DNAJC17: variants seen among roughly 807,000 people sequenced by gnomAD.
DNAJC17 encodes the protein DnaJ heat shock protein family (Hsp40) member C17, also known as dnaJ homolog subfamily C member 17.
A neutral mutation model predicts 48.1 loss-of-function variants in DNAJC17; 35 were observed. The observed-to-expected ratio is 0.73, with a 90% CI of 0.56 to 0.96. The LOEUF (loss-of-function observed/expected upper bound fraction) is 0.96. Ranked by LOEUF, DNAJC17 falls within the 50% of genes least tolerant of loss-of-function variation. DNAJC17 has a pLI of 0.00. For missense variants in DNAJC17, 355 were observed against 377.1 expected (o/e 0.94, Z 0.48); for synonymous variants, 117 against 142.7 (o/e 0.82, Z 1.28).
intron 4 of DNAJC17, among the ~76,000 whole-genome samples, chr15:40,777,933 C>A (rs1385329766): frequency 6.6e-6 from 1 of 152,100 alleles, no homozygotes; most frequent in Non-Finnish European, 1.5e-5. Context: ...AAGAATACCT[C>A]AATAAAGCTA....
Position 40,766,133 on chromosome 15 carries a change from C to T in DNAJC17, c.*1807G>A, listed in dbSNP as rs996101866. 2.0e-5 allele frequency: 8 copies of T among 404,922 alleles called. No homozygotes were observed. Among genetic ancestry groups the T allele is most frequent in the African/African-American group, 1.6e-4 (8 of 48,808 alleles). 25.1% of individuals were successfully genotyped at this position (404,922 alleles called of 1,614,324 possible). ...CGAGGCTTGCTCTGAAAGCTTTCCACATCCTTACTGGAACCGCAGAAACAG... is the reference window on the plus strand; with the variant it reads ...CGAGGCTTGCTCTGAAAGCTTTCCATATCCTTACTGGAACCGCAGAAACAG... On this transcript the variant is annotated 3_prime_UTR_variant, in exon 11 of 11. Transcript: ENST00000220496.
Position 40,767,947 on chromosome 15 carries a change from G to A in DNAJC17, c.908C>T (p.Pro303Leu). The A allele has an allele frequency of 6.2e-7, 1 of 1,612,938 alleles. No individual in the cohort carries two copies. The highest frequency in any genetic ancestry group is 8.5e-7 in the Non-Finnish European group (1 of 1,179,702). The change falls in exon 11 of 11, where the codon CCT (proline) becomes CTT (leucine). Residue 303 changes from proline (P) to leucine (L), a missense_variant. Pro to Leu is a moderately conservative substitution (Grantham distance 98). Transcript: ENST00000220496. ...GGATGGCTGGAGCTGGGGCTACGTA[G>A]GCGGCCCCTCCTGGTCTTCCTGCTG... The part of the protein sequence containing the change: ...RMQQEDQEGP[P>L]T
chr15:40,800,843 C>T lies in DNAJC17; in HGVS notation c.78+6526G>A, dbSNP rs190484317. Among the ~76,000 whole-genome samples the T allele has an allele frequency of 4.9e-3, 741 of 151,938 alleles. 8 individuals carry two copies. Among genetic ancestry groups the T allele is most frequent in the African/African-American group, 0.017 (705 of 41,440 alleles). The stretch of plus-strand genomic sequence containing the variant: ...GCGTGGTGGCAGGAGCCTGTAATCT[C>T]GGCTACTCCGGAGACTGAAGCAGAG... On this transcript the variant is annotated intron_variant, in intron 1 of 10. Coordinates refer to ENST00000220496, the MANE Select transcript of DNAJC17 (RefSeq NM_018163.3).
At chr15:40,803,077 G>T (rs1273309724) in intron 1 of DNAJC17, among the ~76,000 whole-genome samples, 1 of 150,804 alleles carries the variant, frequency 6.6e-6, no homozygotes, top group Admixed American at 6.6e-5. Context: ...ACTCCAGCGT[G>T]GGTAACACAG....
At chr15:40,775,001 T>C (rs1889278594) in intron 8 of DNAJC17, 30 bp downstream of exon 8, 6 of 1,612,296 alleles carry the variant, frequency 3.7e-6, no homozygotes, top group South Asian at 1.1e-5. Context: ...ACTGAGATGA[T>C]AGGAAAGAGT....
chr15:40,774,324 C>T lies in DNAJC17; in HGVS notation c.681+32G>A, dbSNP rs751628805. The T allele has an allele frequency of 6.8e-6, 11 of 1,612,530 alleles. No homozygotes were observed. In the East Asian group the frequency reaches 8.9e-5, roughly 13 times the overall value. ...TCCCTGCCCTAGAATGACAGGGCCA[C>T]GAGGGGCCCCCAAGCCTCATGCAGC... is the stretch of plus-strand genomic sequence containing the variant. On this transcript the variant is annotated intron_variant, in intron 9 of 10. Coordinates refer to ENST00000220496, the MANE Select transcript of DNAJC17 (RefSeq NM_018163.3).
chr15:40,775,392 G>A, intron 7 of DNAJC17, 161 bp downstream of exon 7: 2 of 866,796 alleles, frequency 2.3e-6, no homozygotes, highest in East Asian at 2.4e-5. Flanking sequence ...GGCAAGCTCT[G>A]ATCTCCGGGC....
At chr15:40,790,781 G>T (rs1157175275) in intron 1 of DNAJC17, among the ~76,000 whole-genome samples, 1 of 152,144 alleles carries the variant, frequency 6.6e-6, no homozygotes. Context: ...GAAATGTGAG[G>T]TATTATCTTG....
intron 1 of DNAJC17, among the ~76,000 whole-genome samples, chr15:40,796,672 A>G (rs1240584161): frequency 1.3e-5 from 2 of 152,234 alleles, no homozygotes; most frequent in Non-Finnish European, 2.9e-5. Context: ...TGGCACAGCC[A>G]TTGTGGAAGC....
chr15:40,776,196 C>T lies in DNAJC17; in HGVS notation c.478G>A (p.Gly160Arg). ...GATAGGCGGGGTGATAGACCTGCAC[C>T]TCTCAACCTCTGGTCACGCTCCTGG... ...IRQERDQRLR[G>R]KAENTEGQGT... is the part of the protein sequence containing the mutation. Residue 160 changes from glycine (G) to arginine (R), a missense_variant and splice_region_variant, in exon 6 of 11, where the codon GGA becomes AGA. By Grantham distance (125) the Gly-to-Arg change is moderately radical (BLOSUM62 -2). This residue lies in a region of DNAJC17 where 199 missense variants were observed against 199.9 expected (regional missense o/e 1.00). Transcript: ENST00000220496. 5.0e-6 allele frequency: 8 copies of T among 1,613,390 alleles called. No individual in the cohort carries two copies. Among genetic ancestry groups the T allele is most frequent in the Non-Finnish European group, 5.1e-6 (6 of 1,179,960 alleles).
chr15:40,771,190 C>G (rs1889129757), intron 10 of DNAJC17: 3 of 693,214 alleles, frequency 4.3e-6, no homozygotes, highest in Admixed American at 2.9e-5. Context: ...TCTGCCTGCT[C>G]TCTGGGTCCT....
intron 1 of DNAJC17, among the ~76,000 whole-genome samples, chr15:40,795,381 A>G (rs904755882): frequency 4.6e-5 from 7 of 152,178 alleles, no homozygotes; most frequent in Non-Finnish European, 7.3e-5. Context: ...CCCCAGGAGC[A>G]AGAGACAGAA....
rs949117930 is a variant in DNAJC17 at position 40,769,212 on chromosome 15, C to T, written c.793-1150G>A. Among the ~76,000 whole-genome samples the T allele has an allele frequency of 6.6e-6, 1 of 152,188 alleles. No individual in the cohort carries two copies. The stretch of plus-strand genomic sequence containing the variant: ...GGACTGCTAAGCCTGGCCCAGAGCA[C>T]GGCTGACAATTCACGGCAGCCTCCC... On this transcript the variant is annotated intron_variant, in intron 10 of 10. Transcript: ENST00000220496. This position sits in a 1 kb window ranked among gnomAD's most constrained non-coding sequence, Gnocchi z 4.2.
Position 40,779,582 on chromosome 15 carries a change from G to A in DNAJC17, c.170C>T (p.Ser57Phe). The A allele has an allele frequency of 1.9e-6, 3 of 1,614,022 alleles. No individual in the cohort carries two copies. Among genetic ancestry groups the A allele is most frequent in the Non-Finnish European group, 2.5e-6 (3 of 1,180,024 alleles). The change falls in exon 3 of 11, where the codon TCT (serine) becomes TTT (phenylalanine). Residue 57 changes from serine (S) to phenylalanine (F), a missense_variant. Coordinates refer to ENST00000220496, the MANE Select transcript of DNAJC17 (RefSeq NM_018163.3). ...PRAAELFHQL[S>F]QALEVLTDAA... ...ATCGGTCAGCACCTCCAAGGCCTGAGAAAGCTGGTGGAAGAGTTCAGCTAA... is the reference window on the plus strand; with the variant it reads ...ATCGGTCAGCACCTCCAAGGCCTGAAAAAGCTGGTGGAAGAGTTCAGCTAA...
rs1278314869 is a variant in DNAJC17, at chr15:40,765,654, T to C, written c.*2286A>G. 1.0e-5 allele frequency: 4 copies of C among 400,446 alleles called. No individual in the cohort carries two copies. The highest frequency in any genetic ancestry group is 7.3e-5 in the East Asian group (2 of 27,498). The allele number at this position is 400,446 out of a possible 1,614,324, so 24.8% of individuals were successfully genotyped here. ...GCGCCTACATTGCTCCTCCTGATCA[T>C]TGATGGGCTCCACCCCTTCACAGCT... On this transcript the variant is annotated 3_prime_UTR_variant, in exon 11 of 11. Transcript: ENST00000220496.
chr15:40,778,796 C>T (rs1324668092), intron 4 of DNAJC17, among the ~76,000 whole-genome samples: 5 of 152,030 alleles, frequency 3.3e-5, no homozygotes, highest in African/African-American at 1.2e-4. Context: ...ATTAGCCGGG[C>T]GTAGTGGTGC....
chr15:40,765,962 C>T lies in DNAJC17; in HGVS notation c.*1978G>A, dbSNP rs745577708. On this transcript the variant is annotated 3_prime_UTR_variant, in exon 11 of 11. Coordinates refer to ENST00000220496, the MANE Select transcript of DNAJC17 (RefSeq NM_018163.3). ...CCTCAGTATCCTCTCCCTGCCAGCC[C>T]CTAGACCTGCCTCTGCTCCCTTTAT... The T allele has an allele frequency of 9.8e-7, 1 of 1,021,662 alleles. No individual in the cohort carries two copies. Among genetic ancestry groups the T allele is most frequent in the Non-Finnish European group, 1.5e-6 (1 of 679,186 alleles). The allele number at this position is 1,021,662 out of a possible 1,614,324, so 63.3% of individuals were successfully genotyped here.
chr15:40,776,692 C>A lies in DNAJC17; in HGVS notation c.296-65G>T, dbSNP rs1040289215. On this transcript the variant is annotated intron_variant, in intron 4 of 10. Transcript: ENST00000220496. ...CAGTTTCCATGTGGCCTCGGCCCAC[C>A]CCAGCTCTGGCTGCCTCCCCAAAGT... 23 of 1,548,040 alleles carry A rather than the reference C, an allele frequency of 1.5e-5. No individual in the cohort carries two copies. In the Admixed American group the frequency reaches 1.8e-4, roughly 12 times the overall value.
At chr15:40,799,366 C>T (rs115561120) in intron 1 of DNAJC17, among the ~76,000 whole-genome samples, 11 of 151,926 alleles carry the variant, frequency 7.2e-5, no homozygotes, top group Non-Finnish European at 1.2e-4. Flanking sequence ...CACACCATGC[C>T]CTGCCTGTAT....
Sources: gnomAD v4.1 joint callset for allele counts (sites outside exome capture counted in the v4.1 genomes callset) on GRCh38, gnomAD v4.1.1 for gene constraint, gnomAD v4.1.1 regional missense constraint, Gnocchi (gnomAD v3.1) non-coding constraint, MANE v1.5 for transcripts, NCBI Gene and HGNC (gene_info 2026-07-23, HGNC 2026-07-21) for gene names.